The following SLF1 variants were observed in gnomAD, a reference collection of about 807,000 sequenced individuals.
The protein encoded by SLF1 is SMC5-SMC6 complex localization factor protein 1.
Under a neutral mutation model 123.0 loss-of-function variants are expected in SLF1, and 105 were observed. That is an observed-to-expected ratio of 0.85 (90% CI 0.73 to 1.00). The LOEUF is 1.00. Among genes scored for constraint, SLF1 ranks in the 50% least tolerant of loss-of-function variants. SLF1 has a pLI of 0.00. For missense variants in SLF1, 1,239 were observed against 1,223.0 expected, an observed-to-expected ratio of 1.01 and a Z score of -0.20; for synonymous variants, 434 against 406.6, an observed-to-expected ratio of 1.07 and a Z score of -0.81.
chr5:94,693,396 T>C (rs1238613736), intron 20 of SLF1, among the ~76,000 whole-genome samples: 3 of 152,060 alleles, frequency 2.0e-5, no homozygotes, highest in Non-Finnish European at 4.4e-5. Flanking sequence ...GGCCAATATT[T>C]GTTAGGAGCC....
At position 94,670,843 on chromosome 5, in the gene SLF1, G is replaced by T; in HGVS notation, c.1662G>T (p.Lys554Asn). 6.5e-7 allele frequency: 1 copy of T among 1,546,906 alleles called. No homozygotes were observed. Among genetic ancestry groups the T allele is most frequent in the Non-Finnish European group, 8.7e-7 (1 of 1,143,774 alleles). The change falls in exon 14 of 21, where the codon AAG (lysine) becomes AAT (asparagine). Residue 554 changes from lysine (K) to asparagine (N), a missense_variant and splice_region_variant. Transcript: ENST00000265140. The stretch of plus-strand genomic sequence containing the variant: ...TACTTTTTGTTTATATTTTAATTAG[G>T]TTGTATGACTGGTCAGATTCTCAGA... Reference protein sequence around the residue: ...IESEVQHLSQKLYDWSDSQNL... With the variant: ...IESEVQHLSQNLYDWSDSQNL...
Position 94,666,082 on chromosome 5 carries a change from A to G in SLF1, c.1532+58A>G, listed in dbSNP as rs183728416. ...TCATTGAGTAGTTGTTATGCTAATT[A>G]TTTTTTTAAGATACTGATGAAAGAA... is the stretch of plus-strand genomic sequence containing the variant. On this transcript the variant is annotated intron_variant, in intron 12 of 20. Coordinates refer to ENST00000265140, the MANE Select transcript of SLF1 (RefSeq NM_032290.4). 28 of 1,404,682 alleles carry G rather than the reference A, an allele frequency of 2.0e-5. No homozygotes were observed. The East Asian group carries it at 5.1e-4, about 25-fold the overall frequency. 87.0% of individuals were successfully genotyped at this position (1,404,682 alleles called of 1,614,324 possible).
chr5:94,678,988 C>G, intron 15 of SLF1, 33 bp downstream of exon 15: 9 of 1,597,238 alleles, frequency 5.6e-6, no homozygotes, highest in Non-Finnish European at 7.7e-6. Context: ...TTTTTCAGAC[C>G]CATTCTGGAA....
intron 6 of SLF1, among the ~76,000 whole-genome samples, chr5:94,650,128 G>A (rs6897550): frequency 0.22 from 33,783 of 151,864 alleles, 3,867 homozygotes; most frequent in East Asian, 0.34. Flanking sequence ...AGCAGTAGCA[G>A]CCACAAAAAG....
At chr5:94,625,621 G>C (rs2152463468) in intron 1 of SLF1, among the ~76,000 whole-genome samples, 1 of 152,126 alleles carries the variant, frequency 6.6e-6, no homozygotes, top group East Asian at 2.0e-4. Context: ...GACCTCAGGT[G>C]ATCCACCCAC....
At chr5:94,642,065 A>G (rs771830887) in intron 4 of SLF1, among the ~76,000 whole-genome samples, 1 of 152,194 alleles carries the variant, frequency 6.6e-6, no homozygotes, top group South Asian at 2.1e-4. Context: ...AGGGCAGGTA[A>G]GTTTTATTTC....
intron 1 of SLF1, among the ~76,000 whole-genome samples, chr5:94,622,580 T>C (rs1472538724): frequency 6.6e-6 from 1 of 152,152 alleles, no homozygotes; most frequent in East Asian, 1.9e-4. Context: ...ACAATGGTAT[T>C]ACAGGCTGAA....
chr5:94,685,944 G>T (rs1298005992), intron 15 of SLF1, among the ~76,000 whole-genome samples: 1 of 151,664 alleles, frequency 6.6e-6, no homozygotes, highest in South Asian at 2.1e-4. Context: ...ACATGCTCCT[G>T]TTTCATGTTT....
At chr5:94,682,379 T>C (rs960941346) in intron 15 of SLF1, among the ~76,000 whole-genome samples, 1 of 152,226 alleles carries the variant, frequency 6.6e-6, no homozygotes, top group Non-Finnish European at 1.5e-5. Flanking sequence ...AAAAATCATT[T>C]ATTTTGCATT....
Position 94,628,898 on chromosome 5 carries a change from C to G in SLF1, c.88C>G (p.Leu30Val). ...AGCGCTAGTCAAATTACTTTTAAAA[C>G]TAGATTGCACTTTTATTAAGAGTGA... is the stretch of plus-strand genomic sequence containing the variant. ...KEALVKLLLK[L>V]DCTFIKSEKY... The change falls in exon 2 of 21, where the codon CTA (leucine) becomes GTA (valine). Residue 30 changes from leucine to valine, a missense_variant. Coordinates refer to ENST00000265140, the MANE Select transcript of SLF1 (RefSeq NM_032290.4). The G allele has an allele frequency of 6.5e-7, 1 of 1,547,416 alleles. No homozygotes were observed. Among genetic ancestry groups the G allele is most frequent in the South Asian group, 1.2e-5 (1 of 82,906 alleles).
At chr5:94,669,411 T>C (rs1327490087) in intron 12 of SLF1, among the ~76,000 whole-genome samples, 1 of 152,122 alleles carries the variant, frequency 6.6e-6, no homozygotes, top group Non-Finnish European at 1.5e-5. Context: ...AAGTGGGAGA[T>C]TGTAATAAAT....
Position 94,697,268 on chromosome 5 carries a change from G to GTAT in SLF1, c.*1957_*1959dup, listed in dbSNP as rs1753558249. On this transcript the variant is annotated 3_prime_UTR_variant, in exon 21 of 21. Coordinates refer to ENST00000265140, the MANE Select transcript of SLF1 (RefSeq NM_032290.4). ...TTCTGTGCCCTGGCTAACAATACCA[G>GTAT]TATATGAGTATGAATCTAAATGTTC... 6.6e-6 allele frequency: 1 copy of GTAT among 151,764 alleles called. No individual in the cohort carries two copies. Among genetic ancestry groups the GTAT allele is most frequent in the East Asian group, 1.9e-4 (1 of 5,160 alleles). 9.4% of individuals were successfully genotyped at this position (151,764 alleles called of 1,614,324 possible).
intron 13 of SLF1, 44 bp downstream of exon 13, chr5:94,670,323 GT>G (rs2152489990): frequency 7.4e-7 from 1 of 1,358,072 alleles, no homozygotes; most frequent in Non-Finnish European, 9.6e-7. Flanking sequence ...AATTTTGGTT[GT>G]TTTTATGCAC....
intron 9 of SLF1, among the ~76,000 whole-genome samples, chr5:94,657,591 T>C (rs1354791656): frequency 1.3e-5 from 2 of 152,046 alleles, no homozygotes; most frequent in African/African-American, 4.8e-5. Context: ...AATGTCTGTT[T>C]TTTGATTTTC....
At position 94,678,815 on chromosome 5, in the gene SLF1, A is replaced by C. The variant is rs756577157; in HGVS notation, c.1835A>C (p.Lys612Thr). The change falls in exon 15 of 21, where the codon AAA (lysine) becomes ACA (threonine). Residue 612 changes from lysine to threonine, a missense_variant. Transcript: ENST00000265140. ...TTTGTATCTTAATGTTAGGTCTTCAAACATGAACTAGCTTACTTATTGGCT... is the reference window on the plus strand; with the variant it reads ...TTTGTATCTTAATGTTAGGTCTTCACACATGAACTAGCTTACTTATTGGCT... ...KEKFKSNDVF[K>T]HELAYLLAGI... The C allele has an allele frequency of 6.2e-7, 1 of 1,612,548 alleles. No individual in the cohort carries two copies. The highest frequency in any genetic ancestry group is 1.1e-5 in the South Asian group (1 of 90,878).
chr5:94,651,943 T>C (rs1747773761), intron 7 of SLF1, 98 bp downstream of exon 7: 2 of 541,390 alleles, frequency 3.7e-6, no homozygotes, highest in African/African-American at 2.0e-5. Flanking sequence ...AAATGAGTTA[T>C]GTATCCAATA....
intron 4 of SLF1, among the ~76,000 whole-genome samples, chr5:94,632,607 T>G (rs1745330433): frequency 6.6e-6 from 1 of 152,240 alleles, no homozygotes; most frequent in Non-Finnish European, 1.5e-5. Flanking sequence ...GGGGTGCTAT[T>G]ATAGATTGCT....
At chr5:94,682,097 T>C (rs1751862210) in intron 15 of SLF1, among the ~76,000 whole-genome samples, 1 of 152,186 alleles carries the variant, frequency 6.6e-6, no homozygotes, top group Non-Finnish European at 1.5e-5. Flanking sequence ...AAAACACTTT[T>C]CAATAGTGAC....
intron 10 of SLF1, 57 bp from the exon 11 acceptor site, chr5:94,663,693 T>C: frequency 7.6e-7 from 1 of 1,321,800 alleles, no homozygotes; most frequent in Non-Finnish European, 1.0e-6. Context: ...AATTCATGAT[T>C]TGATTGCAAA....
Sources: gnomAD v4.1 joint callset for allele counts (sites outside exome capture counted in the v4.1 genomes callset) on GRCh38, gnomAD v4.1.1 for gene constraint, MANE v1.5 for transcripts, NCBI Gene and HGNC (gene_info 2026-07-23, HGNC 2026-07-21) for gene names.